The following VAC14 variants were observed in gnomAD, a reference collection of about 807,000 sequenced individuals.
VAC14 encodes the protein protein VAC14 homolog.
In VAC14, 47 loss-of-function variants were observed where a neutral mutation model predicts 85.3. The ratio of observed to expected loss-of-function variants is 0.55; its 90% CI spans 0.44 to 0.70. VAC14 has a LOEUF of 0.70. VAC14 is among the 30% of genes least tolerant of loss of function. VAC14 has a pLI of 0.00. For synonymous variants in VAC14, 447 were observed against 430.5 expected (o/e 1.04, Z -0.47); for missense variants, 861 against 1,004.3 (o/e 0.86, Z 1.93).
At chr16:70,742,999 G>A (rs973495923) in intron 13 of VAC14, among the ~76,000 whole-genome samples, 1 of 151,716 alleles carries the variant, frequency 6.6e-6, no homozygotes, top group African/African-American at 2.4e-5. Flanking sequence ...CTAGCTAAAG[G>A]ACTGTAAATG....
chr16:70,747,503 AG>A (rs1225470975), intron 12 of VAC14: 3 of 134,244 alleles, frequency 2.2e-5, no homozygotes, highest in East Asian at 2.0e-4. Flanking sequence ...GTACAAAAAA[AG>A]GGCGGGGGGG....
At chr16:70,770,407 A>T (rs958619268) in intron 10 of VAC14, 6 of 152,278 alleles carry the variant, frequency 3.9e-5, no homozygotes, top group Non-Finnish European at 8.8e-5. Context: ...CTGTCCACAG[A>T]GCAGCCCCGT....
At chr16:70,692,177 G>C (rs1326322056) in intron 18 of VAC14, 1 of 787,998 alleles carries the variant, frequency 1.3e-6, no homozygotes, top group Non-Finnish European at 1.5e-6. Flanking sequence ...TTCAGGGTGG[G>C]AGCCGGCACT....
intron 8 of VAC14, among the ~76,000 whole-genome samples, chr16:70,781,646 C>T (rs1016750709): frequency 1.3e-5 from 2 of 152,132 alleles, no homozygotes; most frequent in African/African-American, 4.8e-5. Context: ...AGAGCTGCTC[C>T]AGATCTGCAA....
chr16:70,761,054 G>A, intron 12 of VAC14: 1 of 376,510 alleles, frequency 2.7e-6, no homozygotes, highest in Non-Finnish European at 5.4e-6. Context: ...GAGAGGCCAA[G>A]GGCATACTCA....
intron 12 of VAC14, chr16:70,745,117 C>G (rs1398596874): frequency 6.5e-6 from 1 of 152,980 alleles, no homozygotes; most frequent in Non-Finnish European, 1.5e-5. Context: ...CTACTCTGGT[C>G]TCCAAGGTAA....
intron 1 of VAC14, among the ~76,000 whole-genome samples, chr16:70,800,093 TG>T (rs2034706617): frequency 6.6e-6 from 1 of 151,830 alleles, no homozygotes; most frequent in East Asian, 1.9e-4. Context: ...AAAATGTGAC[TG>T]GGAAAAAACC....
At chr16:70,761,019 G>GTGTGTGC (rs2032319963) in intron 12 of VAC14, 1 of 276,576 alleles carries the variant, frequency 3.6e-6, no homozygotes. Flanking sequence ...GTGTGTGTGT[G>GTGTGTGC]CATGGGGGGG....
rs766459658 is a variant in VAC14 at position 70,762,587 on chromosome 16, T to C, written c.1324A>G (p.Ser442Gly). The C allele has an allele frequency of 6.2e-7, 1 of 1,614,052 alleles. No individual in the cohort carries two copies. Among genetic ancestry groups the C allele is most frequent in the African/African-American group, 1.3e-5 (1 of 74,946 alleles). Residue 442 changes from serine to glycine, a missense_variant, in exon 12 of 19, where the codon AGC becomes GGC. This residue lies in a region of VAC14 where 629 missense variants were observed against 703.1 expected (regional missense o/e 0.89). Transcript: ENST00000261776. This position sits in a 1 kb window ranked among gnomAD's most constrained non-coding sequence, Gnocchi z 4.1. ...GTCTGCAGTAGGATGGGAAAGAGGC[T>C]GTCCGTGTGCCGGAACATCTGGAGG... ...TPRKMFRHTD[S>G]LFPILLQTLS...
At chr16:70,783,380 T>A in intron 6 of VAC14, 65 bp downstream of exon 6, 2 of 1,530,088 alleles carry the variant, frequency 1.3e-6, no homozygotes, top group Non-Finnish European at 1.8e-6. Context: ...TCTGTGGGCA[T>A]GAAGCACATG....
intron 10 of VAC14, among the ~76,000 whole-genome samples, chr16:70,766,833 G>A (rs184156977): frequency 7.2e-4 from 110 of 152,252 alleles, no homozygotes; most frequent in African/African-American, 2.6e-3. Flanking sequence ...GTTGGCTGCT[G>A]CTGCTGAGCT....
intron 14 of VAC14, among the ~76,000 whole-genome samples, chr16:70,720,517 CG>C (rs1308240501): frequency 6.6e-6 from 1 of 152,156 alleles, no homozygotes; most frequent in East Asian, 1.9e-4. Flanking sequence ...GACAGTGTCT[CG>C]GGCACGGTGG....
rs763487978 is a variant in VAC14 at position 70,785,914 on chromosome 16, C to A, written c.256-45G>T. 1.1e-5 allele frequency: 17 copies of A among 1,562,956 alleles called. 1 individual carries two copies. The South Asian group carries it at 1.9e-4, about 17-fold the overall frequency. ...GAAGACAGATCAGAATGGGTTGGAG[C>A]CCAGGCCCTGCAGCCTGCAGTGCCA... On this transcript the variant is annotated intron_variant, in intron 2 of 18. Coordinates refer to ENST00000261776, the MANE Select transcript of VAC14 (RefSeq NM_018052.5).
At chr16:70,731,696 G>C in intron 13 of VAC14, 69 bp from the exon 14 acceptor site, 1 of 1,503,476 alleles carries the variant, frequency 6.7e-7, no homozygotes, top group East Asian at 2.3e-5. Flanking sequence ...GATCCACACA[G>C]AATATAAACA....
At chr16:70,774,483 T>G (rs886744908) in intron 9 of VAC14, among the ~76,000 whole-genome samples, 1 of 152,166 alleles carries the variant, frequency 6.6e-6, no homozygotes, top group Non-Finnish European at 1.5e-5. Flanking sequence ...GCTGGGTTTC[T>G]CCCCTGTAAG....
rs1216066433 is a variant in VAC14, at chr16:70,785,738, C to T, written c.387G>A (p.Leu129=). 6.4e-7 allele frequency: 1 copy of T among 1,569,072 alleles called. No homozygotes were observed. The highest frequency in any genetic ancestry group is 2.3e-5 in the East Asian group (1 of 42,760). The change falls in exon 3 of 19, where the codon CTG becomes CTA. Residue 129 remains leucine (L), a synonymous_variant. Coordinates refer to ENST00000261776, the MANE Select transcript of VAC14 (RefSeq NM_018052.5). The part of the protein sequence containing the change: ...NIVKVARGAV[L]PHFNVLFDGL... ...CGTCAAAGAGCACGTTGAAGTGGGGCAGCACAGCGCCCCGGGCCACCTTGA... is the reference window on the plus strand; with the variant it reads ...CGTCAAAGAGCACGTTGAAGTGGGGTAGCACAGCGCCCCGGGCCACCTTGA...
At chr16:70,783,686 T>C (rs571951171) in intron 5 of VAC14, 132 bp from the exon 6 acceptor site, 1 of 852,902 alleles carries the variant, frequency 1.2e-6, no homozygotes, top group Non-Finnish European at 1.9e-6. Context: ...AGGTGTCCCA[T>C]GTGGGAGGAG....
At chr16:70,789,076 C>T (rs565487386) in intron 1 of VAC14, among the ~76,000 whole-genome samples, 50 of 152,298 alleles carry the variant, frequency 3.3e-4, no homozygotes, top group Non-Finnish European at 5.7e-4. Flanking sequence ...CACAGTTTAA[C>T]ACAAGACTAA....
At chr16:70,775,281 CTT>C in intron 9 of VAC14, among the ~76,000 whole-genome samples, 1 of 152,310 alleles carries the variant, frequency 6.6e-6, no homozygotes, top group South Asian at 2.1e-4. Flanking sequence ...AGCAAAACCT[CTT>C]TCTCTCCTTA....
Sources: allele counts gnomAD v4.1 joint callset (sites outside exome capture counted in the v4.1 genomes callset), GRCh38; gene constraint gnomAD v4.1.1; regional missense constraint gnomAD v4.1.1; non-coding constraint Gnocchi (gnomAD v3.1); transcripts MANE v1.5; gene names NCBI Gene and HGNC (gene_info 2026-07-23, HGNC 2026-07-21).